Variants in SLC35F2 observed in about 807,000 individuals in gnomAD.
The protein encoded by SLC35F2 is solute carrier family 35 member F2, also known as queuine/queuosine transporter SLC35F2.
In SLC35F2, 25 loss-of-function variants were observed where a neutral mutation model predicts 38.1. The ratio of observed to expected loss-of-function variants is 0.66; its 90% CI spans 0.48 to 0.92. SLC35F2 has a LOEUF of 0.92. Among genes scored for constraint, SLC35F2 ranks in the 40% least tolerant of loss-of-function variants. SLC35F2 has a pLI of 0.00. For missense variants in SLC35F2, 409 were observed against 452.9 expected (o/e 0.90, Z 0.88); for synonymous variants, 173 against 181.7 (o/e 0.95, Z 0.38).
chr11:107,857,789 T>A (rs1231685199), intron 1 of SLC35F2, among the ~76,000 whole-genome samples: 1 of 152,210 alleles, frequency 6.6e-6, no homozygotes, highest in Admixed American at 6.6e-5. Context: ...GATCATCTTG[T>A]GGCCTTGGGC....
chr11:107,828,719 C>T (rs1020122819), intron 1 of SLC35F2, among the ~76,000 whole-genome samples: 4 of 151,414 alleles, frequency 2.6e-5, no homozygotes, highest in African/African-American at 4.9e-5. Context: ...GACAAAACAT[C>T]AATAGCTCCT....
chr11:107,798,604 C>G (rs762684010), intron 7 of SLC35F2, among the ~76,000 whole-genome samples: 1 of 151,862 alleles, frequency 6.6e-6, no homozygotes, highest in African/African-American at 2.4e-5. Context: ...TTACTTTATT[C>G]AGCAAATATT....
chr11:107,845,508 G>A (rs1860092097), intron 1 of SLC35F2, among the ~76,000 whole-genome samples: 1 of 152,028 alleles, frequency 6.6e-6, no homozygotes, highest in Non-Finnish European at 1.5e-5. Context: ...GTGACAAAGT[G>A]AGACCCCATC....
At chr11:107,829,720 A>T (rs1027707265) in intron 1 of SLC35F2, among the ~76,000 whole-genome samples, 5 of 151,580 alleles carry the variant, frequency 3.3e-5, no homozygotes, top group Non-Finnish European at 7.4e-5. Flanking sequence ...AACCTGGGGC[A>T]CATGGACCAG....
intron 1 of SLC35F2, among the ~76,000 whole-genome samples, chr11:107,824,632 T>C (rs563375489): frequency 6.6e-6 from 1 of 152,340 alleles, no homozygotes; most frequent in Admixed American, 6.5e-5. Context: ...CTCTACTCTT[T>C]ATTAGTGTTA....
intron 1 of SLC35F2, among the ~76,000 whole-genome samples, chr11:107,840,140 A>C (rs1354480283): frequency 6.6e-6 from 1 of 152,208 alleles, no homozygotes; most frequent in African/African-American, 2.4e-5. Context: ...AAAAATTCTA[A>C]GAGGTGCACA....
chr11:107,854,959 GT>G (rs1164462622), intron 1 of SLC35F2, among the ~76,000 whole-genome samples: 1 of 152,186 alleles, frequency 6.6e-6, no homozygotes. Context: ...CTGGCCACAG[GT>G]GGGGATTCAC....
chr11:107,839,442 T>C (rs1591205554), intron 1 of SLC35F2, among the ~76,000 whole-genome samples: 1 of 151,982 alleles, frequency 6.6e-6, no homozygotes, highest in South Asian at 2.1e-4. Flanking sequence ...GCCTGAACAA[T>C]GGGGCAAGAC....
chr11:107,854,024 C>T (rs551357932), intron 1 of SLC35F2, among the ~76,000 whole-genome samples: 31 of 151,930 alleles, frequency 2.0e-4, no homozygotes, highest in Non-Finnish European at 3.8e-4. Context: ...CAAGATCAGC[C>T]TGAGTGACAA....
intron 1 of SLC35F2, among the ~76,000 whole-genome samples, chr11:107,853,689 C>T (rs1281991365): frequency 7.8e-5 from 10 of 128,946 alleles, no homozygotes; most frequent in African/African-American, 2.9e-4. Context: ...CACTGCACTC[C>T]AGCCTGGGCG....
At chr11:107,826,278 CTTT>C (rs35417276) in intron 1 of SLC35F2, among the ~76,000 whole-genome samples, 4 of 144,100 alleles carry the variant, frequency 2.8e-5, no homozygotes, top group Non-Finnish European at 1.5e-5. Flanking sequence ...AAAGATAAAA[CTTT>C]TTTTTTTTTT....
chr11:107,840,610 A>G (rs1860000267), intron 1 of SLC35F2: 1 of 152,218 alleles, frequency 6.6e-6, no homozygotes, highest in Non-Finnish European at 1.5e-5. Context: ...AAGATAATCA[A>G]CTGGCATGCA....
intron 1 of SLC35F2, among the ~76,000 whole-genome samples, chr11:107,856,431 A>G (rs1235156033): frequency 6.6e-6 from 1 of 151,928 alleles, no homozygotes; most frequent in Non-Finnish European, 1.5e-5. Context: ...GCGGTGGCTC[A>G]CGCCTGTAAT....
intron 7 of SLC35F2, among the ~76,000 whole-genome samples, chr11:107,794,210 A>C (rs945371263): frequency 4.6e-5 from 7 of 151,716 alleles, no homozygotes; most frequent in Non-Finnish European, 8.8e-5. Flanking sequence ...CCTCCCGAGT[A>C]GCTGGGACTA....
chr11:107,831,803 G>C (rs1202578144), intron 1 of SLC35F2, among the ~76,000 whole-genome samples: 2 of 152,142 alleles, frequency 1.3e-5, no homozygotes, highest in Non-Finnish European at 2.9e-5. Context: ...CAAATGAACT[G>C]ATCATGATGT....
chr11:107,828,905 G>A (rs1189190625), intron 1 of SLC35F2, among the ~76,000 whole-genome samples: 1 of 152,040 alleles, frequency 6.6e-6, no homozygotes, highest in South Asian at 2.1e-4. Flanking sequence ...CCAGAAGTTC[G>A]AGACCAGCCT....
At chr11:107,828,500 G>A (rs1373130399) in intron 1 of SLC35F2, among the ~76,000 whole-genome samples, 46 of 151,718 alleles carry the variant, frequency 3.0e-4, no homozygotes, top group Admixed American at 3.0e-3. Flanking sequence ...TTTGGAGGGT[G>A]CTAGGGAATG....
At chr11:107,834,855 A>G (rs1859904614) in intron 1 of SLC35F2, among the ~76,000 whole-genome samples, 1 of 152,156 alleles carries the variant, frequency 6.6e-6, no homozygotes. Flanking sequence ...TTCAGTTATT[A>G]TGGAATTATA....
chr11:107,827,634 A>G (rs1260227382), intron 1 of SLC35F2, among the ~76,000 whole-genome samples: 1 of 152,110 alleles, frequency 6.6e-6, no homozygotes, highest in Non-Finnish European at 1.5e-5. Flanking sequence ...CTGTAATCCC[A>G]GCTACTCGGA....
Sources: gnomAD v4.1 joint callset for allele counts (sites outside exome capture counted in the v4.1 genomes callset) on GRCh38, gnomAD v4.1.1 for gene constraint, MANE v1.5 for transcripts, NCBI Gene and HGNC (gene_info 2026-07-23, HGNC 2026-07-21) for gene names.